The following TRMT1L variants were observed in gnomAD, a reference collection of about 807,000 sequenced individuals.
The protein encoded by TRMT1L is tRNA (guanine(27)-N(2))-dimethyltransferase.
A neutral mutation model predicts 81.6 loss-of-function variants in TRMT1L; 28 were observed. The observed-to-expected ratio is 0.34, with a 90% CI of 0.25 to 0.47. TRMT1L has a LOEUF of 0.47. Among genes scored for constraint, TRMT1L ranks in the 20% least tolerant of loss-of-function variants. The pLI is 1.00. For missense variants in TRMT1L, 739 were observed against 877.1 expected (o/e 0.84, Z 1.99); for synonymous variants, 301 against 303.2 (o/e 0.99, Z 0.07).
intron 7 of TRMT1L, among the ~76,000 whole-genome samples, chr1:185,141,340 A>G (rs1653036667): frequency 6.6e-6 from 1 of 152,216 alleles, no homozygotes; most frequent in South Asian, 2.1e-4. Context: ...CTAAGTTTAC[A>G]AAGGCACATT....
intron 10 of TRMT1L, 113 bp downstream of exon 10, chr1:185,137,493 G>A (rs532052346): frequency 9.2e-7 from 1 of 1,084,146 alleles, no homozygotes; most frequent in African/African-American, 1.6e-5. Context: ...AAATAACAAA[G>A]TTAGCACTGT....
At chr1:185,134,703 T>A (rs764024915) in intron 10 of TRMT1L, among the ~76,000 whole-genome samples, 1 of 152,254 alleles carries the variant, frequency 6.6e-6, no homozygotes, top group Non-Finnish European at 1.5e-5. Flanking sequence ...AGAACTTCTA[T>A]AAGGCACTCA....
At chr1:185,134,153 A>G (rs1442483799) in intron 10 of TRMT1L, among the ~76,000 whole-genome samples, 1 of 150,986 alleles carries the variant, frequency 6.6e-6, no homozygotes, top group Non-Finnish European at 1.5e-5. Flanking sequence ...TTATTATTTT[A>G]TTAATAAGAC....
chr1:185,121,261 A>C (rs1388239804), intron 13 of TRMT1L, among the ~76,000 whole-genome samples: 2 of 152,190 alleles, frequency 1.3e-5, no homozygotes, highest in African/African-American at 4.8e-5. Context: ...GTCAAATCTT[A>C]TCTCTTCAGG....
intron 10 of TRMT1L, 64 bp from the exon 11 acceptor site, chr1:185,128,811 T>A (rs1652697694): frequency 7.5e-7 from 1 of 1,338,326 alleles, no homozygotes; most frequent in Non-Finnish European, 1.1e-6. Context: ...GTAGTAATTG[T>A]TATATTAATA....
At chr1:185,140,309 T>C (rs1250444914) in intron 7 of TRMT1L, 87 bp from the exon 8 acceptor site, 2 of 1,077,176 alleles carry the variant, frequency 1.9e-6, no homozygotes, top group African/African-American at 3.2e-5. Context: ...GTTTTATAAA[T>C]AACAAATTAT....
chr1:185,130,972 T>C (rs1652754960), intron 10 of TRMT1L, among the ~76,000 whole-genome samples: 1 of 152,178 alleles, frequency 6.6e-6, no homozygotes, highest in Non-Finnish European at 1.5e-5. Context: ...TGGTATCTTC[T>C]TATCACAGTA....
rs1240107494 is a variant in TRMT1L, at chr1:185,156,943, C to T, written c.-231G>A. The stretch of plus-strand genomic sequence containing the variant: ...AGATGCCCGTCCGCTTCCCTTTCCC[C>T]GAGGCGTTACGACGCCACCACAAAC... On this transcript the variant is annotated 5_prime_UTR_variant, in exon 1 of 15. Coordinates refer to ENST00000367506, the MANE Select transcript of TRMT1L (RefSeq NM_030934.5). 1 of 593,890 alleles carries T rather than the reference C, an allele frequency of 1.7e-6. No homozygotes were observed. Among genetic ancestry groups the T allele is most frequent in the Non-Finnish European group, 2.8e-6 (1 of 353,764 alleles). The allele number at this position is 593,890 out of a possible 1,614,324, so 36.8% of individuals were successfully genotyped here.
chr1:185,125,201 ATAAT>A lies in TRMT1L; in HGVS notation c.1593-95_1593-92del, dbSNP rs1371033143. The A allele has an allele frequency of 1.6e-5, 13 of 816,206 alleles. No individual in the cohort carries two copies. In the East Asian group the frequency reaches 2.3e-4, roughly 14 times the overall value. 50.6% of individuals were successfully genotyped at this position (816,206 alleles called of 1,614,324 possible). ...CACAATTTAACTATAAGTAAGATAT[ATAAT>A]TAATTATATGACAGAGTAATACTTA... On this transcript the variant is annotated intron_variant, in intron 11 of 14. Transcript: ENST00000367506.
At chr1:185,147,623 A>G (rs945287028) in intron 3 of TRMT1L, among the ~76,000 whole-genome samples, 1 of 152,256 alleles carries the variant, frequency 6.6e-6, no homozygotes, top group South Asian at 2.1e-4. Flanking sequence ...ATTTGCCATT[A>G]TACAGACCCT....
In TRMT1L at chr1:185,120,414, T is replaced by C. The variant is rs1400172826; in HGVS notation, c.1918A>G (p.Arg640Gly). The change falls in exon 14 of 15, where the codon AGA becomes GGA. Residue 640 changes from arginine (R) to glycine (G), a missense_variant. Around this residue, in one of 4 missense-constraint regions of TRMT1L, gnomAD observed 196 missense variants for 232.6 expected, o/e 0.84. Coordinates refer to ENST00000367506, the MANE Select transcript of TRMT1L (RefSeq NM_030934.5). Reference sequence around the variant, plus strand: ...ATATTCATTCCTTTAATGCTGTGTCTGTGAATGTTGTAATAAAAGGGAGGA... The same window carrying C: ...ATATTCATTCCTTTAATGCTGTGTCCGTGAATGTTGTAATAAAAGGGAGGA... ...EHPPFYYNIH[R>G]HSIKGMNMPK... 2.5e-6 allele frequency: 4 copies of C among 1,601,116 alleles called. No homozygotes were observed. Among genetic ancestry groups the C allele is most frequent in the Non-Finnish European group, 8.5e-7 (1 of 1,174,664 alleles).
At chr1:185,130,863 A>C (rs1172880633) in intron 10 of TRMT1L, among the ~76,000 whole-genome samples, 1 of 152,204 alleles carries the variant, frequency 6.6e-6, no homozygotes, top group African/African-American at 2.4e-5. Flanking sequence ...AGCTGCTAAA[A>C]GATTGGTTGA....
chr1:185,151,430 G>C (rs1400162824), intron 2 of TRMT1L, among the ~76,000 whole-genome samples: 1 of 152,168 alleles, frequency 6.6e-6, no homozygotes, highest in Non-Finnish European at 1.5e-5. Context: ...AGCAGAAAGA[G>C]AGCAGTGTGG....
intron 7 of TRMT1L, among the ~76,000 whole-genome samples, chr1:185,142,651 CAAA>C (rs71695141): frequency 2.8e-4 from 25 of 90,848 alleles, no homozygotes; most frequent in South Asian, 2.1e-3. Context: ...AGTATTATTG[CAAA>C]AAAAAAAAAA....
Position 185,119,978 on chromosome 1 carries a change from G to T in TRMT1L, c.*41C>A. On this transcript the variant is annotated 3_prime_UTR_variant, in exon 15 of 15. Transcript: ENST00000367506. ...TACAGTTGGTATAGAGAACTATTAGGCCATCTATACAGACACCTGAGAACC... is the reference window on the plus strand; with the variant it reads ...TACAGTTGGTATAGAGAACTATTAGTCCATCTATACAGACACCTGAGAACC... 6.3e-7 allele frequency: 1 copy of T among 1,592,940 alleles called. No homozygotes were observed.
chr1:185,127,396 G>T (rs1430171810), intron 11 of TRMT1L, among the ~76,000 whole-genome samples: 2 of 152,144 alleles, frequency 1.3e-5, no homozygotes, highest in Non-Finnish European at 2.9e-5. Context: ...CTTAAGCCTT[G>T]ACCTTATAAA....
At position 185,120,282 on chromosome 1, in the gene TRMT1L, G is replaced by A. The variant is rs752185693; in HGVS notation, c.1950-11C>T. On this transcript the variant is annotated splice_polypyrimidine_tract_variant and intron_variant, in intron 14 of 14. Transcript: ENST00000367506. The stretch of plus-strand genomic sequence containing the variant: ...AAAAACTTTTTTAACCTGCAAAAAG[G>A]AAAGGAAAGAAAAAATAATCAGGTT... 2.6e-6 allele frequency: 4 copies of A among 1,511,780 alleles called. No homozygotes were observed. Among genetic ancestry groups the A allele is most frequent in the Admixed American group, 4.3e-5 (2 of 46,862 alleles). The allele number at this position is 1,511,780 out of a possible 1,614,324, so 93.6% of individuals were successfully genotyped here.
intron 10 of TRMT1L, among the ~76,000 whole-genome samples, chr1:185,130,860 A>G (rs987872822): frequency 2.0e-5 from 3 of 152,164 alleles, no homozygotes; most frequent in African/African-American, 7.2e-5. Flanking sequence ...CAGAGCTGCT[A>G]AAAGATTGGT....
chr1:185,138,155 T>C (rs1362494359), intron 9 of TRMT1L, among the ~76,000 whole-genome samples: 1 of 152,186 alleles, frequency 6.6e-6, no homozygotes, highest in Non-Finnish European at 1.5e-5. Context: ...TTTCAAACAG[T>C]ATCTATTTAT....
Sources: allele counts gnomAD v4.1 joint callset (sites outside exome capture counted in the v4.1 genomes callset), GRCh38; gene constraint gnomAD v4.1.1; regional missense constraint gnomAD v4.1.1; transcripts MANE v1.5; gene names NCBI Gene and HGNC (gene_info 2026-07-23, HGNC 2026-07-21).